Variants in NLGN1 observed in about 807,000 individuals in gnomAD.
The protein encoded by NLGN1 is neuroligin-1.
Under a neutral mutation model 65.5 loss-of-function variants are expected in NLGN1, and 12 were observed. The observed-to-expected ratio is 0.18, with a 90% CI of 0.12 to 0.30. The LOEUF (loss-of-function observed/expected upper bound fraction) is 0.30, where lower values mean the gene tolerates loss of function less well. Ranked by LOEUF, NLGN1 falls within the 10% of genes least tolerant of loss-of-function variation. NLGN1 has a pLI of 1.00. For missense variants in NLGN1, 750 were observed against 1,007.1 expected, an observed-to-expected ratio of 0.74 and a Z score of 3.46; for synonymous variants, 350 against 359.5, an observed-to-expected ratio of 0.97 and a Z score of 0.30.
At chr3:174,121,679 AT>A (rs1717806790) in intron 4 of NLGN1, among the ~76,000 whole-genome samples, 1 of 152,154 alleles carries the variant, frequency 6.6e-6, no homozygotes. Context: ...TCATCACTGA[AT>A]TTTTTATCAA....
In NLGN1 at chr3:173,494,162, C is replaced by T. The variant is rs550206136; in HGVS notation, c.-321+59084C>T. Reference sequence around the variant, plus strand: ...GTGTGTGTGTGTGCGCGTGCATGTGCGGGGAGTGGTGGTGGTGGTGTTTGG... The same window carrying T: ...GTGTGTGTGTGTGCGCGTGCATGTGTGGGGAGTGGTGGTGGTGGTGTTTGG... On this transcript the variant is annotated intron_variant, in intron 2 of 6. Coordinates refer to ENST00000457714, the Ensembl canonical transcript of NLGN1. 8.1e-5 allele frequency among the ~76,000 whole-genome samples: 12 copies of T among 147,482 alleles called. No individual in the cohort carries two copies. The South Asian group carries it at 2.6e-3, about 32-fold the overall frequency.
intron 4 of NLGN1, among the ~76,000 whole-genome samples, chr3:173,980,788 T>G (rs2152392737): frequency 6.6e-6 from 1 of 152,258 alleles, no homozygotes; most frequent in South Asian, 2.1e-4. Context: ...GTGGGAATTA[T>G]TTCAAACTCA....
At chr3:174,176,147 C>T (rs1055662938) in intron 4 of NLGN1, among the ~76,000 whole-genome samples, 1 of 151,770 alleles carries the variant, frequency 6.6e-6, no homozygotes, top group Non-Finnish European at 1.5e-5. Context: ...ATGTAATTTA[C>T]AAGTCATGTT....
At chr3:173,656,608 G>C (rs1369430326) in intron 3 of NLGN1, among the ~76,000 whole-genome samples, 1 of 152,008 alleles carries the variant, frequency 6.6e-6, no homozygotes, top group Non-Finnish European at 1.5e-5. Context: ...CTTCTCCTCT[G>C]GTGACAATTA....
chr3:173,863,778 A>G (rs757296240), intron 4 of NLGN1, among the ~76,000 whole-genome samples: 4 of 152,196 alleles, frequency 2.6e-5, no homozygotes, highest in Admixed American at 2.0e-4. Context: ...TGGCAGGACT[A>G]GCATTCCACA....
chr3:174,288,021 G>A (rs1752325219), downstream of NLGN1, among the ~76,000 whole-genome samples: 1 of 151,508 alleles, frequency 6.6e-6, no homozygotes, highest in Non-Finnish European at 1.5e-5. Context: ...CCAATTCTAT[G>A]ACTTACTAAC....
chr3:173,935,003 A>T lies in NLGN1; in HGVS notation c.646+127171A>T, dbSNP rs543479554. On this transcript the variant is annotated intron_variant, in intron 4 of 6. Coordinates refer to ENST00000457714, the Ensembl canonical transcript of NLGN1. ...TTCCATTATACAGATGAGGAAAGTA[A>T]GTCTTAATGGTTACAATGTCTGTCC... is the stretch of plus-strand genomic sequence containing the variant. 1.1e-4 allele frequency among the ~76,000 whole-genome samples: 16 copies of T among 152,170 alleles called. No homozygotes were observed. The East Asian group carries it at 3.1e-3, about 29-fold the overall frequency.
chr3:174,181,159 T>C (rs931461179), intron 4 of NLGN1, among the ~76,000 whole-genome samples: 5 of 152,118 alleles, frequency 3.3e-5, no homozygotes, highest in African/African-American at 1.2e-4. Context: ...TCAGAACTCC[T>C]CCTGGCCCTG....
At chr3:173,516,254 T>C (rs930617053) in intron 2 of NLGN1, among the ~76,000 whole-genome samples, 1 of 152,088 alleles carries the variant, frequency 6.6e-6, no homozygotes, top group Non-Finnish European at 1.5e-5. Flanking sequence ...TAACTTACTA[T>C]TATGTATTGC....
Position 174,280,795 on chromosome 3 carries a change from A to G in NLGN1, c.1964A>G (p.Gln655Arg), listed in dbSNP as rs371260889. The change falls in exon 7 of 7, where the codon CAG (glutamine) becomes CGG (arginine). Residue 655 changes from glutamine (Q) to arginine (R), a missense_variant. Gln to Arg is a conservative substitution (Grantham distance 43). Transcript: ENST00000457714. This position sits in a 1 kb window ranked among gnomAD's most constrained non-coding sequence, Gnocchi z 4.9. ...ACGTCAGCCTTTCCCACTGCCAAGC[A>G]GGATGATCCCAAACAACAACCAAGT... 40 of 1,613,466 alleles carry G rather than the reference A, an allele frequency of 2.5e-5. No homozygotes were observed. The highest frequency in any genetic ancestry group is 3.4e-5 in the Non-Finnish European group (40 of 1,179,592).
chr3:173,619,379 T>C (rs891108104), intron 3 of NLGN1, among the ~76,000 whole-genome samples: 10 of 152,156 alleles, frequency 6.6e-5, no homozygotes, highest in Non-Finnish European at 1.5e-4. Flanking sequence ...TTGTTCATTA[T>C]CTGATCAAAC....
At chr3:173,882,053 C>T (rs1733444632) in intron 4 of NLGN1, among the ~76,000 whole-genome samples, 1 of 152,172 alleles carries the variant, frequency 6.6e-6, no homozygotes, top group Non-Finnish European at 1.5e-5. Flanking sequence ...GGCATAAAAA[C>T]AATAATCTCC....
At chr3:174,183,268 C>T (rs886417908) in intron 4 of NLGN1, among the ~76,000 whole-genome samples, 7 of 152,212 alleles carry the variant, frequency 4.6e-5, no homozygotes, top group African/African-American at 1.4e-4. Context: ...TGTATTTCAA[C>T]GCCTTTTTGA....
intron 2 of NLGN1, among the ~76,000 whole-genome samples, chr3:173,596,850 A>C (rs1749574549): frequency 1.3e-5 from 2 of 152,126 alleles, no homozygotes; most frequent in Non-Finnish European, 1.5e-5. Flanking sequence ...GGTACTGCTT[A>C]AGTCTATGTT....
At chr3:174,017,330 A>C (rs181450347) in intron 4 of NLGN1, among the ~76,000 whole-genome samples, 25 of 152,272 alleles carry the variant, frequency 1.6e-4, no homozygotes, top group Non-Finnish European at 2.9e-5. Flanking sequence ...ATTTTATTCA[A>C]AGCCAGGTGT....
rs71162356 is a variant in NLGN1, at chr3:173,734,381, A to ATTTTTTTTT, written c.494-73275_494-73267dup. On this transcript the variant is annotated intron_variant, in intron 3 of 6. Transcript: ENST00000457714. The stretch of plus-strand genomic sequence containing the variant: ...ATAATTAGATTCTGTGGATAATTCT[A>ATTTTTTTTT]TTTTTTTTTTTTTTTTTTTTTTTTT... 3.3e-3 allele frequency among the ~76,000 whole-genome samples: 131 copies of ATTTTTTTTT among 40,078 alleles called. 10 individuals are homozygous for ATTTTTTTTT. Among genetic ancestry groups the ATTTTTTTTT allele is most frequent in the East Asian group, 0.011 (11 of 992 alleles). 26.3% of individuals were successfully genotyped at this position (40,078 alleles called of 152,430 possible).
rs181428844 is a variant in NLGN1 at position 173,924,017 on chromosome 3, A to G, written c.646+116185A>G. Reference sequence around the variant, plus strand: ...AAAAATAAAACTAAGCATAAAATCTATGTTTAATATTACCTTATAGCAATA... The same window carrying G: ...AAAAATAAAACTAAGCATAAAATCTGTGTTTAATATTACCTTATAGCAATA... On this transcript the variant is annotated intron_variant, in intron 4 of 6. Transcript: ENST00000457714. Among the ~76,000 whole-genome samples, 367 of 152,280 alleles carry G rather than the reference A, an allele frequency of 2.4e-3. 4 individuals carry two copies. Among genetic ancestry groups the G allele is most frequent in the African/African-American group, 8.0e-3 (334 of 41,578 alleles).
At chr3:173,428,502 T>G (rs1028684385) in intron 1 of NLGN1, among the ~76,000 whole-genome samples, 1 of 152,026 alleles carries the variant, frequency 6.6e-6, no homozygotes, top group African/African-American at 2.4e-5. Flanking sequence ...ATATAACAAC[T>G]TAAACTGATG....
At chr3:173,627,899 T>A (rs1469468639) in intron 3 of NLGN1, among the ~76,000 whole-genome samples, 1 of 152,138 alleles carries the variant, frequency 6.6e-6, no homozygotes, top group Non-Finnish European at 1.5e-5. Context: ...AATCTGTGTG[T>A]ATTATCTGAA....
Sources: gnomAD v4.1 joint callset for allele counts (sites outside exome capture counted in the v4.1 genomes callset) on GRCh38, gnomAD v4.1.1 for gene constraint, Gnocchi (gnomAD v3.1) non-coding constraint, MANE v1.5 for transcripts, NCBI Gene and HGNC (gene_info 2026-07-23, HGNC 2026-07-21) for gene names.